The following AKAP19 variants were observed in gnomAD, a reference collection of about 807,000 sequenced individuals.
The protein encoded by AKAP19 is A-kinase anchoring protein 19, also known as small A-kinase anchoring protein.
At chr2:190,186,046 G>A in the AKAP19 span, among the ~76,000 whole-genome samples, 2 of 152,134 alleles carry the variant, frequency 1.3e-5, 1 homozygote, top group South Asian at 4.1e-4. This position sits in a 1 kb window ranked among gnomAD's most constrained non-coding sequence, Gnocchi z 5.5. Context: ...CTGCCTCCCA[G>A]GTTCAAACGA....
chr2:190,162,852 A>T, the AKAP19 span, among the ~76,000 whole-genome samples: 1 of 152,190 alleles, frequency 6.6e-6, no homozygotes, highest in Non-Finnish European at 1.5e-5. Context: ...AAAAAAAATG[A>T]AGGTAAATTT....
chr2:190,037,180 T>G, the AKAP19 span, among the ~76,000 whole-genome samples: 1 of 152,232 alleles, frequency 6.6e-6, no homozygotes, highest in Non-Finnish European at 1.5e-5. Flanking sequence ...AGACTTGGTT[T>G]CTTGGGACTT....
the AKAP19 span, among the ~76,000 whole-genome samples, chr2:189,998,153 A>G: frequency 6.6e-5 from 10 of 152,286 alleles, no homozygotes; most frequent in East Asian, 1.7e-3. Context: ...TGTCTGTCTT[A>G]CAGAATTTCC....
the AKAP19 span, among the ~76,000 whole-genome samples, chr2:189,983,881 G>C: frequency 6.6e-6 from 1 of 152,158 alleles, no homozygotes; most frequent in African/African-American, 2.4e-5. Flanking sequence ...TTAAAGCTGG[G>C]CATCCAGGGA....
chr2:189,944,665 C>G, the AKAP19 span, among the ~76,000 whole-genome samples: 4 of 151,916 alleles, frequency 2.6e-5, no homozygotes, highest in African/African-American at 9.7e-5. Context: ...ACTTTAACAC[C>G]CCACTATCAT....
chr2:189,954,744 G>A, the AKAP19 span, among the ~76,000 whole-genome samples: 3 of 152,200 alleles, frequency 2.0e-5, no homozygotes, highest in African/African-American at 7.2e-5. Flanking sequence ...GAACACTGCA[G>A]TTTTATTGAC....
chr2:190,005,143 G>T, the AKAP19 span, among the ~76,000 whole-genome samples: 1 of 152,150 alleles, frequency 6.6e-6, no homozygotes, highest in Non-Finnish European at 1.5e-5. Context: ...AGCTCTTAAA[G>T]GTTGTGCAGA....
At chr2:189,966,331 A>G in the AKAP19 span, among the ~76,000 whole-genome samples, 1 of 152,194 alleles carries the variant, frequency 6.6e-6, no homozygotes, top group Non-Finnish European at 1.5e-5. Flanking sequence ...CCCAAAACCT[A>G]TGGAAATAAA....
At chr2:189,911,114 A>AGACT in the AKAP19 span, among the ~76,000 whole-genome samples, 1 of 152,144 alleles carries the variant, frequency 6.6e-6, no homozygotes, top group Non-Finnish European at 1.5e-5. Context: ...GAAGGAAAGA[A>AGACT]GACTACTTAG....
chr2:189,884,058 T>G, the AKAP19 span, among the ~76,000 whole-genome samples: 2 of 152,170 alleles, frequency 1.3e-5, no homozygotes, highest in African/African-American at 4.8e-5. Flanking sequence ...AAAATGATCT[T>G]TAATTTTGAA....
chr2:190,038,911 TTCTTCTTCTTCTTC>T, the AKAP19 span, among the ~76,000 whole-genome samples: 5 of 112,104 alleles, frequency 4.5e-5, no homozygotes, highest in African/African-American at 2.3e-4. Flanking sequence ...TTTCTTCTTC[TTCTTCTTCTTCTTC>T]TTCTTCTTCT....
chr2:190,101,667 A>T, the AKAP19 span, among the ~76,000 whole-genome samples: 1 of 151,454 alleles, frequency 6.6e-6, no homozygotes, highest in East Asian at 1.9e-4. Flanking sequence ...GAGCACCCAG[A>T]TTCATTTAGG....
chr2:189,928,994 C>G, the AKAP19 span, among the ~76,000 whole-genome samples: 54 of 152,198 alleles, frequency 3.5e-4, 1 homozygote, highest in Non-Finnish European at 4.7e-4. Context: ...GTCTTTACCT[C>G]TAACACTTCA....
the AKAP19 span, among the ~76,000 whole-genome samples, chr2:189,884,299 A>G: frequency 6.6e-6 from 1 of 152,152 alleles, no homozygotes; most frequent in Admixed American, 6.5e-5. Context: ...AACTTGCAAG[A>G]TGGTGATGCT....
At chr2:190,056,948 A>C in the AKAP19 span, 1 of 317,680 alleles carries the variant, frequency 3.1e-6, no homozygotes. Flanking sequence ...CCTTTAATTC[A>C]TCAGAACTCA....
chr2:190,079,733 C>T, the AKAP19 span, among the ~76,000 whole-genome samples: 1 of 152,074 alleles, frequency 6.6e-6, no homozygotes. Flanking sequence ...ATTTCTTGAA[C>T]CCAGGAGGCA....
the AKAP19 span, among the ~76,000 whole-genome samples, chr2:190,038,905 TTCTTCTTCTTCTTC>T: frequency 1.1e-3 from 89 of 82,916 alleles, 1 homozygote; most frequent in African/African-American, 2.6e-3. Flanking sequence ...TCTTTCTTTC[TTCTTCTTCTTCTTC>T]TTCTTCTTCT....
chr2:189,900,554 T>C, the AKAP19 span, among the ~76,000 whole-genome samples: 1 of 152,226 alleles, frequency 6.6e-6, no homozygotes, highest in Admixed American at 6.5e-5. Flanking sequence ...TATTTTAGTA[T>C]GTTAATTAGT....
At chr2:189,889,665 A>G in the AKAP19 span, among the ~76,000 whole-genome samples, 3 of 152,112 alleles carry the variant, frequency 2.0e-5, no homozygotes, top group Non-Finnish European at 2.9e-5. Flanking sequence ...GGGAGGGTGT[A>G]TGTGTCCAGG....
Sources: gnomAD v4.1 joint callset for allele counts (sites outside exome capture counted in the v4.1 genomes callset) on GRCh38, gnomAD v4.1.1 for gene constraint, Gnocchi (gnomAD v3.1) non-coding constraint, MANE v1.5 for transcripts, NCBI Gene and HGNC (gene_info 2026-07-23, HGNC 2026-07-21) for gene names.